Variants in KLHL29 observed in about 807,000 individuals in gnomAD.
The protein encoded by KLHL29 is kelch-like protein 29.
KLHL29 carries 21 observed loss-of-function variants against 80.4 expected under a neutral mutation model. That is an observed-to-expected ratio of 0.26 (90% CI 0.19 to 0.38). The LOEUF (loss-of-function observed/expected upper bound fraction) is 0.38. KLHL29 is among the 10% of genes least tolerant of loss of function. The pLI is 1.00. For missense variants in KLHL29, 867 were observed against 1,223.9 expected (o/e 0.71, Z 4.35); for synonymous variants, 511 against 526.8 (o/e 0.97, Z 0.41).
intron 5 of KLHL29, among the ~76,000 whole-genome samples, chr2:23,677,390 A>G (rs1266602605): frequency 6.6e-6 from 1 of 152,248 alleles, no homozygotes; most frequent in Non-Finnish European, 1.5e-5. Context: ...GGACCACAGG[A>G]AAGCCAGAAG....
chr2:23,636,481 C>T (rs917309781), intron 3 of KLHL29, among the ~76,000 whole-genome samples: 1 of 152,048 alleles, frequency 6.6e-6, no homozygotes, highest in East Asian at 1.9e-4. Flanking sequence ...TCATGAACGA[C>T]ACAGCCAAAC....
At chr2:23,401,655 G>C (rs559966535) in intron 1 of KLHL29, among the ~76,000 whole-genome samples, 2 of 152,352 alleles carry the variant, frequency 1.3e-5, no homozygotes, top group African/African-American at 4.8e-5. Flanking sequence ...ACCTGGGACA[G>C]AGGAAGCGAT....
intron 2 of KLHL29, among the ~76,000 whole-genome samples, chr2:23,498,015 TATAG>T (rs61401389): frequency 0.029 from 4,356 of 152,288 alleles, 204 homozygotes; most frequent in African/African-American, 0.098. Context: ...TTGATAAACT[TATAG>T]ATAGTGAAAT....
intron 2 of KLHL29, among the ~76,000 whole-genome samples, chr2:23,491,388 G>A (rs1340411988): frequency 1.3e-5 from 2 of 152,186 alleles, no homozygotes; most frequent in African/African-American, 4.8e-5. Flanking sequence ...ATGAGTTCCT[G>A]TAGTGATGGC....
chr2:23,685,123 G>A lies in KLHL29; in HGVS notation c.1079+586G>A, dbSNP rs554109441. 1.8e-3 allele frequency among the ~76,000 whole-genome samples: 274 copies of A among 152,370 alleles called. 1 individual carries two copies. Among genetic ancestry groups the A allele is most frequent in the Non-Finnish European group, 3.2e-3 (219 of 68,036 alleles). On this transcript the variant is annotated intron_variant, in intron 6 of 13. Transcript: ENST00000486442. Reference sequence around the variant, plus strand: ...CCTTGTGCAGTGAGCCTAAACCGGCGCTGTGGAGCATAGACCAGGTGTGTC... The same window carrying A: ...CCTTGTGCAGTGAGCCTAAACCGGCACTGTGGAGCATAGACCAGGTGTGTC...
At chr2:23,646,301 A>G (rs1669932213) in intron 5 of KLHL29, among the ~76,000 whole-genome samples, 1 of 152,230 alleles carries the variant, frequency 6.6e-6, no homozygotes. Flanking sequence ...GCCTGATGAC[A>G]GAGCACAGGC....
Position 23,482,094 on chromosome 2 carries a change from G to A in KLHL29, c.-46+6427G>A, listed in dbSNP as rs377551185. On this transcript the variant is annotated intron_variant, in intron 2 of 13. Transcript: ENST00000486442. ...AGTCCCATGCTAAACAGCAGGCGGAGATTGTCAACAAAAGGCTGGAGATGC... is the reference window on the plus strand; with the variant it reads ...AGTCCCATGCTAAACAGCAGGCGGAAATTGTCAACAAAAGGCTGGAGATGC... Among the ~76,000 whole-genome samples the A allele has an allele frequency of 2.7e-4, 41 of 152,286 alleles. 1 individual carries two copies. The South Asian group carries it at 7.3e-3, about 27-fold the overall frequency.
intron 3 of KLHL29, among the ~76,000 whole-genome samples, chr2:23,603,019 C>A (rs1017477829): frequency 6.6e-6 from 1 of 152,192 alleles, no homozygotes; most frequent in Non-Finnish European, 1.5e-5. Context: ...CTGAGTATGG[C>A]GTGAGCCACC....
In KLHL29 at chr2:23,562,587, G is replaced by A. The variant is rs926494320; in HGVS notation, c.285+106G>A. On this transcript the variant is annotated intron_variant, in intron 3 of 13. Coordinates refer to ENST00000486442, the MANE Select transcript of KLHL29 (RefSeq NM_052920.2). This position sits in a 1 kb window ranked among gnomAD's most constrained non-coding sequence, Gnocchi z 4.5. ...TCCTGTGGGGCAGCCTGTGCTCCAC[G>A]CCCCGAGTCCTCCAGAGTCTTGTCC... is the stretch of plus-strand genomic sequence containing the variant. 1.8e-5 allele frequency: 20 copies of A among 1,136,548 alleles called. No homozygotes were observed. The East Asian group carries it at 3.1e-4, about 18-fold the overall frequency. The allele number at this position is 1,136,548 out of a possible 1,614,324, so 70.4% of individuals were successfully genotyped here. A position where few individuals can be genotyped will look rare whatever the true frequency, so the allele number is the denominator to read the frequency against.
At chr2:23,661,923 C>T (rs985314480) in intron 5 of KLHL29, among the ~76,000 whole-genome samples, 4 of 152,232 alleles carry the variant, frequency 2.6e-5, no homozygotes, top group Admixed American at 6.5e-5. Context: ...CTCTAGAATC[C>T]ATGCTCCAAG....
At chr2:23,651,949 A>G (rs1278422328) in intron 5 of KLHL29, among the ~76,000 whole-genome samples, 1 of 152,164 alleles carries the variant, frequency 6.6e-6, no homozygotes, top group Non-Finnish European at 1.5e-5. Flanking sequence ...TCCTCTTTAA[A>G]GGCCCTTTCT....
chr2:23,629,574 G>T (rs976774076), intron 3 of KLHL29, among the ~76,000 whole-genome samples: 1 of 152,204 alleles, frequency 6.6e-6, no homozygotes, highest in African/African-American at 2.4e-5. Context: ...TGGGAGGGGG[G>T]CTTGGAGGAA....
intron 3 of KLHL29, among the ~76,000 whole-genome samples, chr2:23,600,335 A>G (rs1668538033): frequency 6.6e-6 from 1 of 152,224 alleles, no homozygotes; most frequent in Non-Finnish European, 1.5e-5. Flanking sequence ...TAAGGGCAGA[A>G]TAAAGTTATC....
chr2:23,696,947 G>A lies in KLHL29; in HGVS notation c.2105+434G>A, dbSNP rs1056759045. The A allele has an allele frequency of 7.3e-5, 12 of 165,502 alleles. No individual in the cohort carries two copies. Among genetic ancestry groups the A allele is most frequent in the Admixed American group, 2.8e-4 (5 of 17,830 alleles). The allele number at this position is 165,502 out of a possible 1,614,324, so 10.3% of individuals were successfully genotyped here. A position where few individuals can be genotyped will look rare whatever the true frequency, so the allele number is the denominator to read the frequency against. On this transcript the variant is annotated intron_variant, in intron 11 of 13. Transcript: ENST00000486442. The surrounding 1 kb of genome is among the most constrained non-coding windows in gnomAD (Gnocchi z 5.5). ...TTAAAATGCAGGTCATGCCAGTGGC[G>A]GTGCCTCCTTGTCCTGCCAAGCGGG...
At chr2:23,629,012 G>A (rs1669399393) in intron 3 of KLHL29, among the ~76,000 whole-genome samples, 1 of 152,242 alleles carries the variant, frequency 6.6e-6, no homozygotes, top group South Asian at 2.1e-4. Flanking sequence ...CGATTGGAGA[G>A]GGTCACCGTG....
At chr2:23,705,124 C>G (rs956171475) in intron 13 of KLHL29, among the ~76,000 whole-genome samples, 1 of 152,234 alleles carries the variant, frequency 6.6e-6, no homozygotes, top group African/African-American at 2.4e-5. Context: ...TCTGACTACC[C>G]CGTCCACTGA....
intron 3 of KLHL29, among the ~76,000 whole-genome samples, chr2:23,630,198 G>C (rs1669434072): frequency 1.3e-5 from 2 of 152,240 alleles, no homozygotes; most frequent in Admixed American, 1.3e-4. Context: ...GTGCTGGCAG[G>C]GTTGGAGCAG....
At chr2:23,608,494 C>T (rs1292540251) in intron 3 of KLHL29, among the ~76,000 whole-genome samples, 2 of 151,846 alleles carry the variant, frequency 1.3e-5, no homozygotes, top group East Asian at 3.9e-4. Context: ...ATCGTAGGAG[C>T]TCAGAAAATG....
intron 2 of KLHL29, among the ~76,000 whole-genome samples, chr2:23,560,565 A>G (rs1558388522): frequency 6.6e-6 from 1 of 152,206 alleles, no homozygotes; most frequent in African/African-American, 2.4e-5. Context: ...CACTGCATCC[A>G]GCCTGGATAG....
Sources: allele counts gnomAD v4.1 joint callset (sites outside exome capture counted in the v4.1 genomes callset), GRCh38; gene constraint gnomAD v4.1.1; non-coding constraint Gnocchi (gnomAD v3.1); transcripts MANE v1.5; gene names NCBI Gene and HGNC (gene_info 2026-07-23, HGNC 2026-07-21).